Variants in FUZ observed in about 807,000 individuals in gnomAD.
FUZ encodes the protein fuzzy planar cell polarity protein, also known as protein fuzzy homolog.
Under a neutral mutation model 43.1 loss-of-function variants are expected in FUZ, and 31 were observed. That is an observed-to-expected ratio of 0.72 (90% confidence interval 0.54 to 0.97). FUZ has a LOEUF of 0.97. FUZ is among the 50% of genes least tolerant of loss of function. FUZ has a pLI of 0.00. For missense variants in FUZ, 539 were observed against 543.8 expected, an observed-to-expected ratio of 0.99 and a Z score of 0.09; for synonymous variants, 274 against 250.0, an observed-to-expected ratio of 1.10 and a Z score of -0.91.
Position 49,808,752 on chromosome 19 carries a change from C to T in FUZ, c.858G>A (p.Leu286=), listed in dbSNP as rs1248313968. 1 of 1,580,710 alleles carries T rather than the reference C, an allele frequency of 6.3e-7. No individual in the cohort carries two copies. The highest frequency in any genetic ancestry group is 2.3e-5 in the East Asian group (1 of 43,088). ...RACLPLGPRA[L]PSGFPLHTDI... ...CTGTGTGAAGGGGGAAGCCACTGGGCAGCGCCCGGGGTCCCAACGGCAGAC... is the reference window on the plus strand; with the variant it reads ...CTGTGTGAAGGGGGAAGCCACTGGGTAGCGCCCGGGGTCCCAACGGCAGAC... Residue 286 remains leucine, a synonymous_variant, in exon 8 of 11, where the codon CTG becomes CTA. Transcript: ENST00000313777.
At position 49,807,179 on chromosome 19, in the gene FUZ, G is replaced by A. The variant is rs751860663; in HGVS notation, c.1229C>T (p.Thr410Ile). 29 of 1,613,308 alleles carry A rather than the reference G, an allele frequency of 1.8e-5. No individual in the cohort carries two copies. The highest frequency in any genetic ancestry group is 1.6e-4 in the Middle Eastern group (1 of 6,084). ...AAGAAGTGGGGTGAGGGCATGCAGA[G>A]TGTGGGTGGCCAGGCTTCGCAGCCC... ...THGLRSLATH[T>I]LHALTPLL Residue 410 changes from threonine to isoleucine, a missense_variant, in exon 11 of 11, where the codon ACT (threonine) becomes ATT (isoleucine). Thr to Ile is a moderately conservative substitution (Grantham distance 89). Coordinates refer to ENST00000313777, the MANE Select transcript of FUZ (RefSeq NM_025129.5).
At chr19:49,808,886 G>A (rs559065709) in intron 7 of FUZ, 63 bp from the exon 8 acceptor site, 8 of 1,307,386 alleles carry the variant, frequency 6.1e-6, no homozygotes, top group African/African-American at 1.5e-5. Flanking sequence ...GGGAGGTCGG[G>A]GGGTGTACAA....
chr19:49,807,395 A>C, intron 10 of FUZ, 21 bp from the exon 11 acceptor site: 1 of 1,597,292 alleles, frequency 6.3e-7, no homozygotes, highest in Admixed American at 1.7e-5. Context: ...AACAGGGGGC[A>C]CTGACATGAC....
Position 49,808,431 on chromosome 19 carries a change from G to A in FUZ, c.1016C>T (p.Ser339Phe), listed in dbSNP as rs1466183638. The A allele has an allele frequency of 6.2e-7, 1 of 1,612,534 alleles. No homozygotes were observed. The highest frequency in any genetic ancestry group is 8.5e-7 in the Non-Finnish European group (1 of 1,179,632). Residue 339 changes from serine to phenylalanine, a missense_variant, in exon 10 of 11, where the codon TCC (serine) becomes TTC (phenylalanine). Ser to Phe is a radical substitution (Grantham distance 155, BLOSUM62 -2). Coordinates refer to ENST00000313777, the MANE Select transcript of FUZ (RefSeq NM_025129.5). ...LLRNFYTLVT[S>F]THFPPEPGPP... Reference sequence around the variant, plus strand: ...CCGCTGACCTGGTGGGAAGTGCGTGGAGGTGACCAGGGTATAGAAGTTTCG... The same window carrying A: ...CCGCTGACCTGGTGGGAAGTGCGTGAAGGTGACCAGGGTATAGAAGTTTCG...
At chr19:49,808,898 G>C in intron 7 of FUZ, 75 bp from the exon 8 acceptor site, 1 of 1,183,964 alleles carries the variant, frequency 8.4e-7, no homozygotes, top group Admixed American at 2.0e-5. Flanking sequence ...GGTGTACAAG[G>C]ATAGGGGCGT....
rs141513214 is a variant in FUZ, at chr19:49,811,364, T to C, written c.491A>G (p.Gln164Arg). ...CVIPPEGSLL[Q>R]EALSGFAEAA... ...GAGTTTCCATAGCATCCCCAGTACC[T>C]GCAAGAGGGACCCCTCTGGAGGAAT... Residue 164 changes from glutamine to arginine, a missense_variant and splice_region_variant, in exon 5 of 11, where the codon CAG becomes CGG. Physicochemically the swap from Gln to Arg is conservative, Grantham distance 43 (BLOSUM62 1). Coordinates refer to ENST00000313777, the MANE Select transcript of FUZ (RefSeq NM_025129.5). 6.9e-6 allele frequency: 11 copies of C among 1,597,658 alleles called. No individual in the cohort carries two copies. Among genetic ancestry groups the C allele is most frequent in the Non-Finnish European group, 9.4e-6 (11 of 1,169,684 alleles).
At position 49,809,068 on chromosome 19, in the gene FUZ, G is replaced by T; in HGVS notation, c.786+95C>A. ...AGCGCAGTCCAGAAGAGGCGGGGCT[G>T]GGGAAAGATGCCGCTGGCAGGGCAG... On this transcript the variant is annotated intron_variant, in intron 7 of 10. Transcript: ENST00000313777. This position sits in a 1 kb window ranked among gnomAD's most constrained non-coding sequence, Gnocchi z 5.1. 8.1e-7 allele frequency: 1 copy of T among 1,228,980 alleles called. No homozygotes were observed. Among genetic ancestry groups the T allele is most frequent in the Non-Finnish European group, 1.2e-6 (1 of 855,438 alleles). The allele number at this position is 1,228,980 out of a possible 1,614,324, so 76.1% of individuals were successfully genotyped here. A position where few individuals can be genotyped will look rare whatever the true frequency, so the allele number is the denominator to read the frequency against.
intron 5 of FUZ, chr19:49,810,976 CCT>C (rs1600287238): frequency 2.8e-6 from 1 of 353,432 alleles, no homozygotes. Context: ...ATGGTGAAAC[CCT>C]GTCTCTACTA....
intron 7 of FUZ, 35 bp from the exon 8 acceptor site, chr19:49,808,858 G>A: frequency 6.6e-7 from 1 of 1,512,786 alleles, no homozygotes; most frequent in South Asian, 1.2e-5. Flanking sequence ...GGTCGTCATG[G>A]GAAGGCGGGG....
In FUZ at chr19:49,809,436, G is replaced by A; in HGVS notation, c.632C>T (p.Ser211Phe). 1.3e-6 allele frequency: 2 copies of A among 1,546,052 alleles called. No homozygotes were observed. The highest frequency in any genetic ancestry group is 1.4e-5 in the African/African-American group (1 of 73,346). ...GTCGCGAGCGGTCTGCGGCGGCAGGGACCCCACCAGCCAGGGGAGCAGCAC... is the reference window on the plus strand; with the variant it reads ...GTCGCGAGCGGTCTGCGGCGGCAGGAACCCCACCAGCCAGGGGAGCAGCAC... The part of the protein sequence containing the change: ...EAVLLPWLVG[S>F]LPPQTARDYP... Residue 211 changes from serine to phenylalanine, a missense_variant, in exon 6 of 11, where the codon TCC (serine) becomes TTC (phenylalanine). Transcript: ENST00000313777. This position sits in a 1 kb window ranked among gnomAD's most constrained non-coding sequence, Gnocchi z 5.1.
chr19:49,812,240 G>A lies in FUZ; in HGVS notation c.318+11C>T, dbSNP rs751200299. Reference sequence around the variant, plus strand: ...CTGGTCTGGGGAGAAAAGAGGACTGGTGAGTCTCACCATGGCTCCAAACAC... The same window carrying A: ...CTGGTCTGGGGAGAAAAGAGGACTGATGAGTCTCACCATGGCTCCAAACAC... On this transcript the variant is annotated intron_variant, in intron 3 of 10. Transcript: ENST00000313777. 2.5e-6 allele frequency: 4 copies of A among 1,603,170 alleles called. No homozygotes were observed. The South Asian group carries it at 4.4e-5, about 18-fold the overall frequency.
intron 5 of FUZ, chr19:49,811,128 G>C: frequency 3.4e-6 from 2 of 582,640 alleles, no homozygotes; most frequent in African/African-American, 1.9e-5. Context: ...TCCAGCCTGG[G>C]CAACAAGAGT....
rs757936776 is a variant in FUZ, at chr19:49,807,049, C to T, written c.*102G>A. 6.5e-4 allele frequency: 1,023 copies of T among 1,562,240 alleles called. No homozygotes were observed. Among genetic ancestry groups the T allele is most frequent in the Non-Finnish European group, 8.2e-4 (957 of 1,160,808 alleles). ...CTCCCACCCCACCCTGTTGTAGCCC[C>T]TCCTACCCCCTCCCCATCCAGGGGC... On this transcript the variant is annotated 3_prime_UTR_variant, in exon 11 of 11. Coordinates refer to ENST00000313777, the MANE Select transcript of FUZ (RefSeq NM_025129.5).
rs2073852541 is a variant in FUZ at position 49,812,760 on chromosome 19, G to C, written c.112-24C>G. Reference sequence around the variant, plus strand: ...AGCTAAGGAGGGGTTAGGGACATCAGACAAGAGCACCCCCCCATCCCCTTC... The same window carrying C: ...AGCTAAGGAGGGGTTAGGGACATCACACAAGAGCACCCCCCCATCCCCTTC... On this transcript the variant is annotated intron_variant, in intron 1 of 10. Coordinates refer to ENST00000313777, the MANE Select transcript of FUZ (RefSeq NM_025129.5). 1.9e-6 allele frequency: 3 copies of C among 1,611,904 alleles called. No homozygotes were observed. The Admixed American group carries it at 5.0e-5, about 27-fold the overall frequency.
rs780523976 is a variant in FUZ, at chr19:49,809,115, T to A, written c.786+48A>T. The A allele has an allele frequency of 2.6e-5, 40 of 1,513,288 alleles. No individual in the cohort carries two copies. In the South Asian group the frequency reaches 4.6e-4, roughly 17 times the overall value. 93.7% of individuals were successfully genotyped at this position (1,513,288 alleles called of 1,614,324 possible). On this transcript the variant is annotated intron_variant, in intron 7 of 10. Transcript: ENST00000313777. This position sits in a 1 kb window ranked among gnomAD's most constrained non-coding sequence, Gnocchi z 5.1. ...GCAGGGTGGTGGGGAAGGGCCCTCC[T>A]GGTAGCGGGTGTCCTAAGAGCGAAA...
In FUZ at chr19:49,809,349, C is replaced by A; in HGVS notation, c.690+29G>T. The A allele has an allele frequency of 6.5e-7, 1 of 1,545,766 alleles. No individual in the cohort carries two copies. Among genetic ancestry groups the A allele is most frequent in the East Asian group, 2.4e-5 (1 of 40,908 alleles). On this transcript the variant is annotated intron_variant, in intron 6 of 10. Coordinates refer to ENST00000313777, the MANE Select transcript of FUZ (RefSeq NM_025129.5). The surrounding 1 kb of genome is among the most constrained non-coding windows in gnomAD (Gnocchi z 5.1). ...TCGCGACTCGGCCCCCAGGTCACAT[C>A]CCTCCGTCGGTGCCCGCCACCCACT...
At chr19:49,807,988 A>C in intron 10 of FUZ, 1 of 293,818 alleles carries the variant, frequency 3.4e-6, no homozygotes. Context: ...AGTTGTGCAG[A>C]GCGCTGGACT....
Position 49,813,163 on chromosome 19 carries a change from T to G in FUZ, c.-57A>C, listed in dbSNP as rs866230700. The G allele has an allele frequency of 1.5e-5, 21 of 1,437,200 alleles. No individual in the cohort carries two copies. In the South Asian group the frequency reaches 2.2e-4, roughly 15 times the overall value. 89.0% of individuals were successfully genotyped at this position (1,437,200 alleles called of 1,614,324 possible). A position where few individuals can be genotyped will look rare whatever the true frequency, so the allele number is the denominator to read the frequency against. ...GACTGTCAGTGCGGGTCTTGGAGCA[T>G]GGCGGTAATCAGAGTAACTCGGCCT... On this transcript the variant is annotated 5_prime_UTR_variant, in exon 1 of 11. An upstream start codon of the reference 5' UTR is lost. Transcript: ENST00000313777.
chr19:49,813,369 T>G (rs2073882652), upstream of FUZ: 1 of 561,636 alleles, frequency 1.8e-6, no homozygotes, highest in African/African-American at 1.9e-5. Context: ...GGCGGCAAAT[T>G]GAATTTGCAA....
Sources: allele counts gnomAD v4.1 joint callset, GRCh38; gene constraint gnomAD v4.1.1; non-coding constraint Gnocchi (gnomAD v3.1); transcripts MANE v1.5; gene names NCBI Gene and HGNC (gene_info 2026-07-23, HGNC 2026-07-21).